The following NRXN1 variants were observed in gnomAD, a reference collection of about 807,000 sequenced individuals.
NRXN1 encodes neurexin 1.
A neutral mutation model predicts 150.9 loss-of-function variants in NRXN1; 39 were observed. That is an observed-to-expected ratio of 0.26 (90% CI 0.20 to 0.34). The LOEUF (loss-of-function observed/expected upper bound fraction) is 0.34, where lower values mean the gene tolerates loss of function less well. Among genes scored for constraint, NRXN1 ranks in the 10% least tolerant of loss-of-function variants. NRXN1 has a pLI of 1.00. For missense variants in NRXN1, 1,815 were observed against 1,949.9 expected (o/e 0.93, Z 1.30); for synonymous variants, 924 against 757.0 (o/e 1.22, Z -3.62).
At chr2:50,256,569 C>T (rs1281224970) in intron 17 of NRXN1, among the ~76,000 whole-genome samples, 2 of 152,098 alleles carry the variant, frequency 1.3e-5, no homozygotes, top group African/African-American at 4.8e-5. Flanking sequence ...CACAAAGTTT[C>T]TGTTGTCTTG....
chr2:50,764,205 C>T (rs142276517), intron 5 of NRXN1, among the ~76,000 whole-genome samples: 2 of 152,066 alleles, frequency 1.3e-5, no homozygotes, highest in East Asian at 3.9e-4. Flanking sequence ...ACATGCCAGA[C>T]ACTGTGGCTC....
chr2:51,017,470 G>T (rs867791785), intron 2 of NRXN1, among the ~76,000 whole-genome samples: 1 of 138,700 alleles, frequency 7.2e-6, no homozygotes, highest in Middle Eastern at 4.4e-3. Flanking sequence ...TGACTAGCTG[G>T]GACTACAATA....
chr2:50,990,299 A>T (rs944285354), intron 2 of NRXN1, among the ~76,000 whole-genome samples: 9 of 152,030 alleles, frequency 5.9e-5, no homozygotes, highest in Non-Finnish European at 1.0e-4. Context: ...AGTGCTAAAA[A>T]AATCAATTTT....
intron 19 of NRXN1, among the ~76,000 whole-genome samples, chr2:50,082,044 T>C (rs1300730099): frequency 2.0e-5 from 3 of 152,222 alleles, no homozygotes; most frequent in Non-Finnish European, 4.4e-5. Flanking sequence ...AAAAACCTAA[T>C]ACTCTTTAAT....
At chr2:50,264,715 C>T (rs2068658980) in intron 17 of NRXN1, among the ~76,000 whole-genome samples, 1 of 152,030 alleles carries the variant, frequency 6.6e-6, no homozygotes, top group African/African-American at 2.4e-5. Context: ...TGTCAATTTT[C>T]TTAACAGATT....
intron 2 of NRXN1, among the ~76,000 whole-genome samples, chr2:50,942,572 G>C (rs560832044): frequency 2.2e-4 from 34 of 152,260 alleles, no homozygotes; most frequent in Middle Eastern, 3.4e-3. Flanking sequence ...ATGAAGCCAG[G>C]GGAGATTATT....
intron 18 of NRXN1, among the ~76,000 whole-genome samples, chr2:50,128,983 C>CAGTA (rs1553641019): frequency 2.7e-5 from 4 of 146,808 alleles, no homozygotes; most frequent in African/African-American, 1.0e-4. Context: ...GACTCCATCT[C>CAGTA]AATAAATAAA....
chr2:50,800,509 G>C (rs545425293), intron 5 of NRXN1, among the ~76,000 whole-genome samples: 1 of 152,262 alleles, frequency 6.6e-6, no homozygotes, highest in Admixed American at 6.5e-5. Context: ...GCCTAACTCA[G>C]TGTAGTCACC....
chr2:50,084,795 T>A (rs1301186548), intron 19 of NRXN1, among the ~76,000 whole-genome samples: 1 of 152,084 alleles, frequency 6.6e-6, no homozygotes. Flanking sequence ...ATTCTGATAT[T>A]TAAAAAATCC....
At chr2:50,437,948 G>A (rs2085591973) in intron 17 of NRXN1, among the ~76,000 whole-genome samples, 1 of 152,096 alleles carries the variant, frequency 6.6e-6, no homozygotes, top group Admixed American at 6.5e-5. Context: ...ATCTTCCTGG[G>A]GACTGATAGT....
intron 5 of NRXN1, among the ~76,000 whole-genome samples, chr2:50,832,222 A>G (rs1559327155): frequency 6.6e-6 from 1 of 152,160 alleles, no homozygotes; most frequent in Non-Finnish European, 1.5e-5. Flanking sequence ...AGACAAAAAT[A>G]ATCTATAGAG....
At chr2:50,084,480 C>G (rs999419326) in intron 19 of NRXN1, among the ~76,000 whole-genome samples, 6 of 152,198 alleles carry the variant, frequency 3.9e-5, no homozygotes, top group African/African-American at 1.4e-4. Flanking sequence ...CCGGGGCCCA[C>G]AGGGCCGGCC....
chr2:50,796,778 T>C (rs1706893187), intron 5 of NRXN1, among the ~76,000 whole-genome samples: 1 of 152,224 alleles, frequency 6.6e-6, no homozygotes, highest in Non-Finnish European at 1.5e-5. Context: ...TATGTGTTTA[T>C]GAGTTTTTTA....
At chr2:50,700,570 G>A (rs986493780) in intron 5 of NRXN1, among the ~76,000 whole-genome samples, 1 of 152,126 alleles carries the variant, frequency 6.6e-6, no homozygotes, top group Non-Finnish European at 1.5e-5. Flanking sequence ...AGTAATAATA[G>A]CACCAAGGTA....
intron 17 of NRXN1, among the ~76,000 whole-genome samples, chr2:50,333,319 A>T (rs1262906000): frequency 6.6e-6 from 1 of 152,216 alleles, no homozygotes; most frequent in African/African-American, 2.4e-5. Context: ...CCCTACCTGC[A>T]AAATGGGGCA....
At chr2:50,230,225 T>C (rs1047134536) in intron 18 of NRXN1, among the ~76,000 whole-genome samples, 2 of 151,970 alleles carry the variant, frequency 1.3e-5, no homozygotes, top group South Asian at 2.1e-4. Flanking sequence ...CAAATCTATA[T>C]AGTGAGAGAG....
intron 2 of NRXN1, among the ~76,000 whole-genome samples, chr2:50,995,722 T>G (rs940595824): frequency 6.6e-6 from 1 of 152,008 alleles, no homozygotes; most frequent in Admixed American, 6.6e-5. Flanking sequence ...CATCTAGTAG[T>G]TTCTCTTTCA....
At chr2:50,361,179 C>T (rs1463015414) in intron 17 of NRXN1, among the ~76,000 whole-genome samples, 1 of 152,092 alleles carries the variant, frequency 6.6e-6, no homozygotes. Flanking sequence ...CTAAAATCAA[C>T]ACCCTAACAT....
rs1179099582 is a variant in NRXN1, at chr2:49,996,560, G to A, written c.4129-52769C>T. On this transcript the variant is annotated intron_variant, in intron 21 of 22. Coordinates refer to ENST00000401669, the MANE Select transcript of NRXN1 (RefSeq NM_001330078.2). ...AGATATTATCCTGGATTGTCTGGTG[G>A]GCCCAGTGTAATGACAAGGGTCCTT... Among the ~76,000 whole-genome samples the A allele has an allele frequency of 3.9e-5, 6 of 152,048 alleles. No homozygotes were observed. In the East Asian group the frequency reaches 1.2e-3, roughly 29 times the overall value.
Sources: gnomAD v4.1 joint callset for allele counts (sites outside exome capture counted in the v4.1 genomes callset) on GRCh38, gnomAD v4.1.1 for gene constraint, MANE v1.5 for transcripts, NCBI Gene and HGNC (gene_info 2026-07-23, HGNC 2026-07-21) for gene names.